SLC16A10: variants seen among roughly 807,000 people sequenced by gnomAD.
SLC16A10 encodes the protein solute carrier family 16 member 10.
Under a neutral mutation model 40.0 loss-of-function variants are expected in SLC16A10, and 27 were observed. The ratio of observed to expected loss-of-function variants is 0.67; its 90% CI spans 0.50 to 0.93. SLC16A10 has a LOEUF of 0.93. Ranked by LOEUF, SLC16A10 falls within the 40% of genes least tolerant of loss-of-function variation. SLC16A10 has a pLI of 0.00. For synonymous variants in SLC16A10, 213 were observed against 249.8 expected (o/e 0.85, Z 1.39); for missense variants, 529 against 658.2 (o/e 0.80, Z 2.15).
chr6:111,183,002 C>T (rs376423152), intron 3 of SLC16A10, among the ~76,000 whole-genome samples: 10 of 152,282 alleles, frequency 6.6e-5, no homozygotes, highest in South Asian at 6.2e-4. Context: ...CTCTGCCCCG[C>T]GGAGTTTGTT....
intron 1 of SLC16A10, among the ~76,000 whole-genome samples, chr6:111,151,903 A>T (rs1772179264): frequency 6.6e-6 from 1 of 152,008 alleles, no homozygotes; most frequent in African/African-American, 2.4e-5. Context: ...TCTGGGCTGG[A>T]TACCCCTCCT....
At chr6:111,121,115 T>A (rs1318614733) in intron 1 of SLC16A10, among the ~76,000 whole-genome samples, 1 of 152,212 alleles carries the variant, frequency 6.6e-6, no homozygotes, top group Non-Finnish European at 1.5e-5. Flanking sequence ...ACAACCAGCT[T>A]CTTATAACTC....
chr6:111,152,015 G>A (rs146684187), intron 1 of SLC16A10, among the ~76,000 whole-genome samples: 251 of 152,174 alleles, frequency 1.6e-3, no homozygotes, highest in African/African-American at 5.8e-3. Context: ...TTGAGATTAG[G>A]GACCTGAGAT....
intron 1 of SLC16A10, among the ~76,000 whole-genome samples, chr6:111,136,228 G>C (rs184664841): frequency 4.9e-4 from 75 of 152,298 alleles, no homozygotes; most frequent in African/African-American, 1.7e-3. Flanking sequence ...TGCCAGCGGG[G>C]CAAGACTTTT....
At chr6:111,209,897 A>G (rs1773318653) in intron 4 of SLC16A10, among the ~76,000 whole-genome samples, 1 of 152,202 alleles carries the variant, frequency 6.6e-6, no homozygotes, top group South Asian at 2.1e-4. Context: ...AATATAGACA[A>G]CTTTGTCCAA....
chr6:111,118,138 T>G (rs1241725489), intron 1 of SLC16A10, among the ~76,000 whole-genome samples: 1 of 152,126 alleles, frequency 6.6e-6, no homozygotes. Context: ...ATTTAAGAAA[T>G]GTAAATAACA....
intron 2 of SLC16A10, among the ~76,000 whole-genome samples, chr6:111,175,726 G>A (rs549603350): frequency 4.0e-5 from 6 of 149,738 alleles, no homozygotes; most frequent in African/African-American, 1.5e-4. Flanking sequence ...TTTTGAGACA[G>A]GGTCTCACTA....
chr6:111,145,067 A>C (rs1200007369), intron 1 of SLC16A10, among the ~76,000 whole-genome samples: 3 of 151,922 alleles, frequency 2.0e-5, no homozygotes, highest in Non-Finnish European at 4.4e-5. Flanking sequence ...TCCTGGGCTC[A>C]AGCAATCCTC....
intron 1 of SLC16A10, among the ~76,000 whole-genome samples, chr6:111,140,117 T>G (rs923266398): frequency 1.3e-5 from 2 of 152,180 alleles, no homozygotes; most frequent in Admixed American, 1.3e-4. Flanking sequence ...CACATGTTTA[T>G]CTATGTAACA....
chr6:111,134,284 C>T (rs1281738608), intron 1 of SLC16A10, among the ~76,000 whole-genome samples: 1 of 152,142 alleles, frequency 6.6e-6, no homozygotes, highest in Admixed American at 6.5e-5. Flanking sequence ...CAATGATGTC[C>T]ACTATAACAC....
chr6:111,209,210 T>C (rs1773303804), intron 4 of SLC16A10, among the ~76,000 whole-genome samples: 1 of 151,950 alleles, frequency 6.6e-6, no homozygotes, highest in South Asian at 2.1e-4. Flanking sequence ...GTCTCTAAAA[T>C]TTAGAGAAAA....
intron 3 of SLC16A10, among the ~76,000 whole-genome samples, chr6:111,180,911 T>C (rs1562424402): frequency 6.6e-6 from 1 of 152,066 alleles, no homozygotes; most frequent in East Asian, 1.9e-4. Flanking sequence ...TATTGTATAG[T>C]GGTTTAAAAG....
chr6:111,192,296 C>A (rs1483670667), intron 3 of SLC16A10, among the ~76,000 whole-genome samples: 1 of 152,142 alleles, frequency 6.6e-6, no homozygotes. Flanking sequence ...GACAAAATGC[C>A]ACCAGTCTCT....
intron 1 of SLC16A10, among the ~76,000 whole-genome samples, chr6:111,154,283 T>C (rs1772228654): frequency 6.6e-6 from 1 of 152,218 alleles, no homozygotes; most frequent in Admixed American, 6.5e-5. Context: ...CGCAAAGGAT[T>C]TGAGGTAGTT....
intron 3 of SLC16A10, among the ~76,000 whole-genome samples, chr6:111,185,373 C>T (rs1289139784): frequency 2.0e-5 from 3 of 152,150 alleles, no homozygotes; most frequent in Non-Finnish European, 4.4e-5. Context: ...TTGCACGTTT[C>T]CCTTCTGTTC....
chr6:111,189,981 C>T (rs915046446), intron 3 of SLC16A10, among the ~76,000 whole-genome samples: 2 of 152,170 alleles, frequency 1.3e-5, no homozygotes, highest in Admixed American at 1.3e-4. Flanking sequence ...TAACTCATTT[C>T]AGCATTAACT....
intron 1 of SLC16A10, among the ~76,000 whole-genome samples, chr6:111,104,813 C>T (rs1246552304): frequency 1.3e-5 from 2 of 151,838 alleles, no homozygotes; most frequent in South Asian, 4.2e-4. Flanking sequence ...TAATTTAGTT[C>T]ATTTCTACTG....
chr6:111,197,883 G>A (rs1773105226), intron 3 of SLC16A10, among the ~76,000 whole-genome samples: 1 of 152,122 alleles, frequency 6.6e-6, no homozygotes, highest in African/African-American at 2.4e-5. Context: ...AGCCACTTGT[G>A]ATGGATCCAC....
intron 1 of SLC16A10, among the ~76,000 whole-genome samples, chr6:111,118,390 A>G (rs2114471075): frequency 6.6e-6 from 1 of 152,278 alleles, no homozygotes; most frequent in East Asian, 1.9e-4. Context: ...ACCTGTAAAG[A>G]TGAATTATTG....
Sources: allele counts gnomAD v4.1 joint callset (sites outside exome capture counted in the v4.1 genomes callset), GRCh38; gene constraint gnomAD v4.1.1; transcripts MANE v1.5; gene names NCBI Gene and HGNC (gene_info 2026-07-23, HGNC 2026-07-21).